PTPRD: variants seen among roughly 807,000 people sequenced by gnomAD.
The protein encoded by PTPRD is protein tyrosine phosphatase receptor type D, also known as receptor-type tyrosine-protein phosphatase delta.
A neutral mutation model predicts 214.5 loss-of-function variants in PTPRD; 34 were observed. The observed-to-expected ratio is 0.16, with a 90% confidence interval of 0.12 to 0.21. PTPRD has a LOEUF of 0.21. PTPRD is among the 10% of genes least tolerant of loss of function. PTPRD has a pLI of 1.00. For synonymous variants in PTPRD, 1,128 were observed against 845.7 expected (o/e 1.33, Z -5.79); for missense variants, 2,545 against 2,398.7 (o/e 1.06, Z -1.27).
intron 11 of PTPRD, among the ~76,000 whole-genome samples, chr9:8,954,245 A>G (rs2099119257): frequency 1.3e-5 from 2 of 152,036 alleles, no homozygotes; most frequent in South Asian, 2.1e-4. Context: ...AAGCAGAAAC[A>G]GAAAACCAAA....
chr9:10,509,525 C>T (rs1412895188), intron 2 of PTPRD, among the ~76,000 whole-genome samples: 1 of 111,776 alleles, frequency 8.9e-6, no homozygotes, highest in African/African-American at 3.5e-5. Context: ...AGCTGACTTA[C>T]CTATAATAAA....
chr9:10,147,617 T>G (rs561374532), intron 3 of PTPRD, among the ~76,000 whole-genome samples: 1 of 152,300 alleles, frequency 6.6e-6, no homozygotes, highest in East Asian at 1.9e-4. Context: ...CAGCGGCTCA[T>G]GTCTGTAATC....
chr9:9,144,878 A>G (rs2099866137), intron 10 of PTPRD, among the ~76,000 whole-genome samples: 1 of 152,140 alleles, frequency 6.6e-6, no homozygotes, highest in Admixed American at 6.6e-5. Context: ...TTAGGAGAAA[A>G]TATTTTAATT....
At chr9:8,381,841 C>T (rs1323341184) in intron 37 of PTPRD, among the ~76,000 whole-genome samples, 1 of 152,164 alleles carries the variant, frequency 6.6e-6, no homozygotes, top group African/African-American at 2.4e-5. Flanking sequence ...CAATGACTTC[C>T]CCCATTAAAC....
At chr9:9,960,233 A>T (rs1378784404) in intron 4 of PTPRD, among the ~76,000 whole-genome samples, 1 of 151,914 alleles carries the variant, frequency 6.6e-6, no homozygotes, top group Non-Finnish European at 1.5e-5. Flanking sequence ...AAAAAAAAAA[A>T]AAAATAGTGT....
chr9:8,788,076 G>A (rs2096065298), intron 11 of PTPRD, among the ~76,000 whole-genome samples: 1 of 152,024 alleles, frequency 6.6e-6, no homozygotes. Flanking sequence ...CAAAATAAGG[G>A]AGAAATTTTT....
chr9:10,374,138 C>T (rs1446270042), intron 2 of PTPRD, among the ~76,000 whole-genome samples: 1 of 152,008 alleles, frequency 6.6e-6, no homozygotes, highest in African/African-American at 2.4e-5. Context: ...TGAGGGTCCT[C>T]TTTGCAAATA....
chr9:9,274,846 T>C (rs1003026093), intron 9 of PTPRD, among the ~76,000 whole-genome samples: 5 of 149,586 alleles, frequency 3.3e-5, no homozygotes, highest in Non-Finnish European at 7.4e-5. Context: ...TTCAGTGAGA[T>C]ATTCATATAG....
At chr9:9,639,007 A>G (rs2095856116) in intron 7 of PTPRD, among the ~76,000 whole-genome samples, 1 of 152,142 alleles carries the variant, frequency 6.6e-6, no homozygotes, top group South Asian at 2.1e-4. Flanking sequence ...AACACCTCCC[A>G]AAAGGCCCCA....
rs868247317 is a variant in PTPRD, at chr9:10,060,819, T to C, written c.-544-27029A>G. ...TTCTTTCTTCCTTTCTTTCTTTCTT[T>C]CTTTCTTTCTTCCTTCCTTCCTTCC... On this transcript the variant is annotated intron_variant, in intron 3 of 45. Transcript: ENST00000381196. 9.5e-5 allele frequency among the ~76,000 whole-genome samples: 12 copies of C among 126,980 alleles called. 1 individual carries two copies. The highest frequency in any genetic ancestry group is 3.4e-4 in the African/African-American group (7 of 20,320). 83.3% of individuals were successfully genotyped at this position (126,980 alleles called of 152,430 possible).
At chr9:10,453,127 A>G (rs2098858712) in intron 2 of PTPRD, among the ~76,000 whole-genome samples, 1 of 151,500 alleles carries the variant, frequency 6.6e-6, no homozygotes, top group African/African-American at 2.4e-5. Context: ...TTAGTTGCCC[A>G]TATATAGATG....
chr9:8,484,061 T>C, intron 30 of PTPRD, 58 bp downstream of exon 30: 2 of 1,557,308 alleles, frequency 1.3e-6, no homozygotes, highest in South Asian at 1.2e-5. Context: ...TTTTGAGATA[T>C]AATGTTCCTA....
At chr9:9,951,782 G>C (rs1414736589) in intron 4 of PTPRD, among the ~76,000 whole-genome samples, 1 of 152,216 alleles carries the variant, frequency 6.6e-6, no homozygotes, top group Admixed American at 6.5e-5. Context: ...GAAAGGTAGT[G>C]CCTAGCCAGT....
intron 3 of PTPRD, among the ~76,000 whole-genome samples, chr9:10,276,928 G>C (rs529585023): frequency 6.6e-6 from 1 of 152,220 alleles, no homozygotes; most frequent in East Asian, 1.9e-4. Context: ...AATGTAATGC[G>C]AGAACATATC....
intron 8 of PTPRD, among the ~76,000 whole-genome samples, chr9:9,461,013 T>C (rs953504687): frequency 6.6e-6 from 1 of 152,048 alleles, no homozygotes; most frequent in Non-Finnish European, 1.5e-5. Flanking sequence ...TAAAATTATG[T>C]CCTTGGTAGC....
intron 6 of PTPRD, among the ~76,000 whole-genome samples, chr9:9,765,643 G>A (rs931384396): frequency 2.6e-5 from 4 of 152,078 alleles, no homozygotes; most frequent in African/African-American, 7.2e-5. Context: ...TAATCCTGAA[G>A]CTTACGTAAA....
At chr9:8,910,296 C>G (rs1330523642) in intron 11 of PTPRD, among the ~76,000 whole-genome samples, 1 of 152,122 alleles carries the variant, frequency 6.6e-6, no homozygotes, top group African/African-American at 2.4e-5. Context: ...CTCAGCCTCC[C>G]AAAGTGCTGG....
At chr9:10,533,040 T>A (rs2056829252) in intron 2 of PTPRD, among the ~76,000 whole-genome samples, 1 of 152,190 alleles carries the variant, frequency 6.6e-6, no homozygotes, top group South Asian at 2.1e-4. Flanking sequence ...GCTCTCCAGA[T>A]AGGGTGAGTT....
intron 12 of PTPRD, among the ~76,000 whole-genome samples, chr9:8,645,449 T>C (rs1203261610): frequency 6.6e-6 from 1 of 152,234 alleles, no homozygotes; most frequent in African/African-American, 2.4e-5. Flanking sequence ...CTCTCTTCCA[T>C]TTCAAGACAC....
Sources: gnomAD v4.1 joint callset for allele counts (sites outside exome capture counted in the v4.1 genomes callset) on GRCh38, gnomAD v4.1.1 for gene constraint, MANE v1.5 for transcripts, NCBI Gene and HGNC (gene_info 2026-07-23, HGNC 2026-07-21) for gene names.